UNC80: variants seen among roughly 807,000 people sequenced by gnomAD.
The protein encoded by UNC80 is unc-80 subunit of NALCN channel complex.
A neutral mutation model predicts 384.6 loss-of-function variants in UNC80; 164 were observed. The ratio of observed to expected loss-of-function variants is 0.43; its 90% CI spans 0.38 to 0.49. UNC80 has a LOEUF of 0.49. Ranked by LOEUF, UNC80 falls within the 20% of genes least tolerant of loss-of-function variation. The probability of loss-of-function intolerance (pLI) is 0.00; values close to 1 mark genes in which losing one functional copy is unlikely to be tolerated. For synonymous variants in UNC80, 1,486 were observed against 1,527.8 expected, an observed-to-expected ratio of 0.97 and a Z score of 0.64; for missense variants, 3,330 against 4,143.0, an observed-to-expected ratio of 0.80 and a Z score of 5.39.
At chr2:209,982,428 GT>G in intron 60 of UNC80, 111 bp downstream of exon 60, 2 of 1,293,588 alleles carry the variant, frequency 1.5e-6, no homozygotes, top group South Asian at 1.9e-5. Flanking sequence ...CAATGGTAAT[GT>G]TTTTAGATAG....
rs6749004 is a variant in UNC80, at chr2:209,905,560, C to T, written c.4782+595C>T. On this transcript the variant is annotated intron_variant, in intron 29 of 64. Coordinates refer to ENST00000673920, the MANE Select transcript of UNC80 (RefSeq NM_001371986.1). ...GAGCCTTCAGAAGCAACCACAGCCC[C>T]GCCAATCCGTTTTAGATTTCTGACC... Among the ~76,000 whole-genome samples the T allele has an allele frequency of 4.0e-3, 610 of 152,162 alleles. 3 individuals are homozygous for T. The highest frequency in any genetic ancestry group is 0.014 in the African/African-American group (561 of 41,514).
intron 22 of UNC80, among the ~76,000 whole-genome samples, chr2:209,868,561 A>G (rs920376506): frequency 6.6e-6 from 1 of 152,196 alleles, no homozygotes; most frequent in Non-Finnish European, 1.5e-5. Context: ...TCTCTGCCTC[A>G]CTTTCATAAA....
intron 16 of UNC80, among the ~76,000 whole-genome samples, chr2:209,833,646 T>C (rs1037329066): frequency 2.0e-5 from 3 of 152,246 alleles, no homozygotes; most frequent in Non-Finnish European, 2.9e-5. Context: ...ACTACCTTTT[T>C]CTTTGCAGGC....
chr2:209,936,743 A>G, intron 40 of UNC80, 101 bp from the exon 41 acceptor site: 2 of 720,696 alleles, frequency 2.8e-6, no homozygotes, highest in Non-Finnish European at 4.9e-6. Context: ...TTCTCGTAAG[A>G]GGTTACCTTG....
chr2:209,821,229 G>T (rs1232978879), intron 13 of UNC80, among the ~76,000 whole-genome samples: 15 of 152,266 alleles, frequency 9.9e-5, no homozygotes, highest in Middle Eastern at 3.4e-3. Context: ...TGCATGCAGA[G>T]AAAGCAAAAG....
In UNC80 at chr2:209,976,226, CT is replaced by C. The variant is rs886043644; in HGVS notation, c.8698del (p.Trp2900GlyfsTer69). ...MALRKVGGLA[L>X]WDFLDFIVRT... ...TCTGCGGAAGGTGGGAGGCCTGGCC[CT>C]TTGGGATTTCCTCGACTTCATCGTG... On this transcript the variant is annotated frameshift_variant, in exon 57 of 65. Coordinates refer to ENST00000673920, the MANE Select transcript of UNC80 (RefSeq NM_001371986.1). LOFTEE classifies it high-confidence loss of function. This position sits in a 1 kb window ranked among gnomAD's most constrained non-coding sequence, Gnocchi z 4.3. 3 of 1,551,596 alleles carry C rather than the reference CT, an allele frequency of 1.9e-6. No individual in the cohort carries two copies. Among genetic ancestry groups the C allele is most frequent in the Non-Finnish European group, 2.6e-6 (3 of 1,147,016 alleles).
intron 7 of UNC80, among the ~76,000 whole-genome samples, chr2:209,805,995 A>T (rs2078871951): frequency 6.6e-6 from 1 of 152,180 alleles, no homozygotes; most frequent in South Asian, 2.1e-4. Flanking sequence ...ATTTTTTCAC[A>T]TCAATTGTTG....
chr2:209,985,963 C>A (rs1395615211), intron 61 of UNC80, among the ~76,000 whole-genome samples: 1 of 151,478 alleles, frequency 6.6e-6, no homozygotes, highest in East Asian at 1.9e-4. Context: ...TTTTTTTTAA[C>A]CAGACCCATA....
At chr2:209,897,939 T>G (rs886575350) in intron 28 of UNC80, among the ~76,000 whole-genome samples, 5 of 152,170 alleles carry the variant, frequency 3.3e-5, no homozygotes, top group African/African-American at 1.2e-4. Context: ...CTTCTGGGAG[T>G]AATTCAGGTA....
intron 22 of UNC80, among the ~76,000 whole-genome samples, chr2:209,858,564 C>T (rs1028361758): frequency 2.0e-5 from 3 of 151,804 alleles, no homozygotes; most frequent in African/African-American, 7.3e-5. Context: ...AAAAATTAGC[C>T]ATGCCTGTAA....
chr2:209,819,411 T>C, intron 12 of UNC80, 150 bp downstream of exon 12: 2 of 817,846 alleles, frequency 2.4e-6, no homozygotes, highest in Non-Finnish European at 3.7e-6. Context: ...TTCACCAATG[T>C]TTCAACCATC....
intron 35 of UNC80, among the ~76,000 whole-genome samples, chr2:209,925,789 C>T (rs1173812172): frequency 6.6e-6 from 1 of 152,208 alleles, no homozygotes; most frequent in East Asian, 1.9e-4. Flanking sequence ...TCCAAGTCCA[C>T]ATCCAACCCA....
chr2:209,984,635 T>A (rs1459536599), intron 60 of UNC80, among the ~76,000 whole-genome samples: 1 of 152,158 alleles, frequency 6.6e-6, no homozygotes, highest in Non-Finnish European at 1.5e-5. Context: ...CTCTGAGAGT[T>A]GTATCCATCC....
chr2:209,834,061 C>T lies in UNC80; in HGVS notation c.2835C>T (p.Val945=), dbSNP rs75245711. The change falls in exon 17 of 65, where the codon GTC becomes GTT. Residue 945 remains valine (V), a synonymous_variant. Coordinates refer to ENST00000673920, the MANE Select transcript of UNC80 (RefSeq NM_001371986.1). The part of the protein sequence containing the change: ...VQFIKEAHGN[V]FRRVALSALL... ...TTATCAAAGAGGCTCATGGGAATGT[C>T]TTCAGGAGAGTGGCCCTCAGCGCTC... 0.017 allele frequency: 27,066 copies of T among 1,551,698 alleles called. 342 individuals carry two copies. Among genetic ancestry groups the T allele is most frequent in the Middle Eastern group, 0.043 (255 of 5,984 alleles).
At chr2:209,914,547 G>T (rs181052754) in intron 31 of UNC80, among the ~76,000 whole-genome samples, 2,582 of 126,662 alleles carry the variant, frequency 0.02, 30 homozygotes, top group Non-Finnish European at 0.033. Flanking sequence ...CCTATGACCC[G>T]CCCCCCTCTC....
At chr2:209,827,204 A>G (rs1229371698) in intron 14 of UNC80, among the ~76,000 whole-genome samples, 1 of 152,156 alleles carries the variant, frequency 6.6e-6, no homozygotes, top group Non-Finnish European at 1.5e-5. Flanking sequence ...CCATCTTTGC[A>G]CATGTGTATA....
At chr2:209,841,610 A>C (rs2081758600) in intron 20 of UNC80, among the ~76,000 whole-genome samples, 1 of 152,104 alleles carries the variant, frequency 6.6e-6, no homozygotes. Context: ...TCGGCCTCCC[A>C]AAGTGCTGGG....
At position 209,978,442 on chromosome 2, in the gene UNC80, TA is replaced by T. The variant is rs369324296; in HGVS notation, c.8939-81del. The stretch of plus-strand genomic sequence containing the variant: ...GACACATTATTTAACTAACCTTTCC[TA>T]AAAAATACAAGTGGTCAGGGAGGAC... On this transcript the variant is annotated intron_variant, in intron 58 of 64. Transcript: ENST00000673920. 196 of 1,214,810 alleles carry T rather than the reference TA, an allele frequency of 1.6e-4. 2 individuals are homozygous for T. The South Asian group carries it at 3.6e-3, about 22-fold the overall frequency. The allele number at this position is 1,214,810 out of a possible 1,614,324, so 75.3% of individuals were successfully genotyped here. A position where few individuals can be genotyped will look rare whatever the true frequency, so the allele number is the denominator to read the frequency against.
intron 42 of UNC80, among the ~76,000 whole-genome samples, chr2:209,939,183 A>T (rs1040015073): frequency 6.6e-6 from 1 of 152,146 alleles, no homozygotes; most frequent in Non-Finnish European, 1.5e-5. Flanking sequence ...TCTATTTAAT[A>T]TTGAACTAAT....
Sources: allele counts gnomAD v4.1 joint callset (sites outside exome capture counted in the v4.1 genomes callset), GRCh38; gene constraint gnomAD v4.1.1; non-coding constraint Gnocchi (gnomAD v3.1); transcripts MANE v1.5; gene names NCBI Gene and HGNC (gene_info 2026-07-23, HGNC 2026-07-21).